The following CSMD1 variants were observed in gnomAD, a reference collection of about 807,000 sequenced individuals.
CSMD1 encodes CUB and Sushi multiple domains 1.
CSMD1 carries 213 observed loss-of-function variants against 417.5 expected under a neutral mutation model. That is an observed-to-expected ratio of 0.51 (90% CI 0.46 to 0.57). CSMD1 has a LOEUF of 0.57. CSMD1 is among the 20% of genes least tolerant of loss of function. The probability of loss-of-function intolerance (pLI) is 0.00; values close to 1 mark genes in which losing one functional copy is unlikely to be tolerated. For missense variants in CSMD1, 6,923 were observed against 4,529.7 expected, an observed-to-expected ratio of 1.53 and a Z score of -15.17; for synonymous variants, 2,862 against 1,736.8, an observed-to-expected ratio of 1.65 and a Z score of -16.11.
intron 1 of CSMD1, among the ~76,000 whole-genome samples, chr8:4,881,840 A>G (rs143368870): frequency 6.6e-6 from 1 of 152,190 alleles, no homozygotes; most frequent in African/African-American, 2.4e-5. Flanking sequence ...AGATTCTACA[A>G]TTCGAGCATT....
At chr8:4,703,061 C>A (rs914693345) in intron 1 of CSMD1, among the ~76,000 whole-genome samples, 1 of 152,120 alleles carries the variant, frequency 6.6e-6, no homozygotes, top group Non-Finnish European at 1.5e-5. Context: ...TAGGGTTAAG[C>A]AAATTATTTT....
chr8:4,249,857 G>T (rs1319158348), intron 3 of CSMD1, among the ~76,000 whole-genome samples: 1 of 152,084 alleles, frequency 6.6e-6, no homozygotes, highest in Admixed American at 6.5e-5. Context: ...CCTGACCCCC[G>T]GAATTCTTGA....
chr8:4,727,638 C>A (rs368218514), intron 1 of CSMD1, among the ~76,000 whole-genome samples: 2 of 152,020 alleles, frequency 1.3e-5, no homozygotes, highest in Non-Finnish European at 1.5e-5. Flanking sequence ...TGATCTGGTT[C>A]CCACTTGAAA....
At chr8:4,947,986 T>C (rs527398786) in intron 1 of CSMD1, among the ~76,000 whole-genome samples, 1 of 152,086 alleles carries the variant, frequency 6.6e-6, no homozygotes, top group African/African-American at 2.4e-5. Context: ...TAAAAAAATC[T>C]GCTGTATGAA....
intron 5 of CSMD1, among the ~76,000 whole-genome samples, chr8:3,785,384 G>C (rs1239047461): frequency 6.6e-6 from 1 of 152,156 alleles, no homozygotes; most frequent in Non-Finnish European, 1.5e-5. Flanking sequence ...TCCACACCTG[G>C]CCATCAAGGG....
intron 3 of CSMD1, among the ~76,000 whole-genome samples, chr8:4,404,013 G>T (rs775368534): frequency 6.6e-6 from 1 of 152,122 alleles, no homozygotes; most frequent in Non-Finnish European, 1.5e-5. Flanking sequence ...TAGCAAACTC[G>T]ATTGGTATTA....
intron 8 of CSMD1, among the ~76,000 whole-genome samples, chr8:3,614,909 G>A (rs1802062923): frequency 1.3e-5 from 2 of 150,962 alleles, no homozygotes; most frequent in Admixed American, 1.3e-4. Flanking sequence ...AGAAGGAAAG[G>A]GAAGGGAAGC....
intron 8 of CSMD1, among the ~76,000 whole-genome samples, chr8:3,591,292 C>G (rs1800833820): frequency 6.6e-6 from 1 of 152,188 alleles, no homozygotes; most frequent in African/African-American, 2.4e-5. Flanking sequence ...CAATGCTTAA[C>G]ACTTCTGAAA....
At chr8:3,865,476 G>T (rs1805022540) in intron 5 of CSMD1, among the ~76,000 whole-genome samples, 1 of 151,998 alleles carries the variant, frequency 6.6e-6, no homozygotes. Flanking sequence ...GAGATGGGAG[G>T]TGCTCTGGGA....
intron 3 of CSMD1, among the ~76,000 whole-genome samples, chr8:4,339,344 T>A (rs976734703): frequency 6.6e-6 from 1 of 152,094 alleles, no homozygotes; most frequent in Non-Finnish European, 1.5e-5. Context: ...GCTGGCAGAT[T>A]CATCAGCTGG....
In CSMD1 at chr8:4,988,960, G is replaced by T. The variant is rs145959638; in HGVS notation, c.85+5372C>A. Among the ~76,000 whole-genome samples, 4 of 152,254 alleles carry T rather than the reference G, an allele frequency of 2.6e-5. No homozygotes were observed. The East Asian group carries it at 7.7e-4, about 29-fold the overall frequency. On this transcript the variant is annotated intron_variant, in intron 1 of 69. Transcript: ENST00000635120. ...TTAATTCCGTTACTTACCAACCTCA[G>T]TATCAAGGACTAAAGTCCATCCAAA... is the stretch of plus-strand genomic sequence containing the variant.
intron 5 of CSMD1, among the ~76,000 whole-genome samples, chr8:3,972,215 G>C (rs972959317): frequency 6.6e-6 from 1 of 151,650 alleles, no homozygotes; most frequent in Non-Finnish European, 1.5e-5. Flanking sequence ...GTTGAAGAAA[G>C]CAGGGAGAAA....
At chr8:3,223,532 T>A (rs1290860188) in intron 28 of CSMD1, among the ~76,000 whole-genome samples, 197 bp downstream of exon 28, 1 of 152,192 alleles carries the variant, frequency 6.6e-6, no homozygotes, top group East Asian at 1.9e-4. Context: ...TTCAAGTGCA[T>A]CTTAAGTAGA....
chr8:3,203,753 T>C (rs1797110335), intron 31 of CSMD1, among the ~76,000 whole-genome samples: 1 of 152,200 alleles, frequency 6.6e-6, no homozygotes, highest in African/African-American at 2.4e-5. Flanking sequence ...CTTAGATTTG[T>C]GTTTTAGAAA....
chr8:3,571,061 G>C (rs76974818), intron 10 of CSMD1, among the ~76,000 whole-genome samples: 1,937 of 152,272 alleles, frequency 0.013, 51 homozygotes, highest in African/African-American at 0.044. Flanking sequence ...TTCCACTCCA[G>C]GGCAAAACAC....
chr8:3,192,041 T>A (rs1225777875), intron 33 of CSMD1, among the ~76,000 whole-genome samples: 1 of 152,186 alleles, frequency 6.6e-6, no homozygotes, highest in African/African-American at 2.4e-5. Flanking sequence ...CGACAGACAT[T>A]ATTTGGGTAA....
intron 5 of CSMD1, among the ~76,000 whole-genome samples, chr8:3,985,548 G>C (rs535003165): frequency 6.6e-6 from 1 of 152,150 alleles, no homozygotes; most frequent in South Asian, 2.1e-4. Flanking sequence ...TTACTCCATG[G>C]ATTGCTCTAC....
chr8:3,118,266 G>A, intron 42 of CSMD1, 133 bp downstream of exon 42: 1 of 687,988 alleles, frequency 1.5e-6, no homozygotes, highest in Non-Finnish European at 2.4e-6. Context: ...AGTGGAGTGA[G>A]TAAAACATAA....
chr8:4,771,991 G>C (rs1796622522), intron 1 of CSMD1, among the ~76,000 whole-genome samples: 1 of 152,138 alleles, frequency 6.6e-6, no homozygotes, highest in Non-Finnish European at 1.5e-5. Context: ...CTTCAAACAA[G>C]ACCCATGTCT....
Sources: allele counts gnomAD v4.1 joint callset (sites outside exome capture counted in the v4.1 genomes callset), GRCh38; gene constraint gnomAD v4.1.1; transcripts MANE v1.5; gene names NCBI Gene and HGNC (gene_info 2026-07-23, HGNC 2026-07-21).